INO80: variants seen among roughly 807,000 people sequenced by gnomAD.
The protein encoded by INO80 is chromatin-remodeling ATPase INO80.
Under a neutral mutation model 203.4 loss-of-function variants are expected in INO80, and 20 were observed. The observed-to-expected ratio is 0.10, with a 90% CI of 0.07 to 0.14. The LOEUF (loss-of-function observed/expected upper bound fraction) is 0.14. Among genes scored for constraint, INO80 ranks in the 10% least tolerant of loss-of-function variants. The pLI, the probability that INO80 is intolerant of heterozygous loss-of-function variation, is 1.00. For missense variants in INO80, 1,419 were observed against 1,914.4 expected (o/e 0.74, Z 4.83); for synonymous variants, 726 against 685.2 (o/e 1.06, Z -0.93).
intron 7 of INO80, among the ~76,000 whole-genome samples, chr15:41,083,372 A>G (rs1203199180): frequency 6.6e-6 from 1 of 152,124 alleles, no homozygotes; most frequent in Non-Finnish European, 1.5e-5. Context: ...TACAGTAGCA[A>G]AACACCACCA....
chr15:41,014,208 T>TAG (rs2044170558), intron 27 of INO80, among the ~76,000 whole-genome samples: 2 of 152,232 alleles, frequency 1.3e-5, no homozygotes, highest in Non-Finnish European at 2.9e-5. Flanking sequence ...CACATTCCCT[T>TAG]GGAACTTTCC....
intron 27 of INO80, among the ~76,000 whole-genome samples, chr15:41,007,265 C>T (rs2044059866): frequency 6.7e-6 from 1 of 150,148 alleles, no homozygotes; most frequent in African/African-American, 2.5e-5. Context: ...TCACTGCAAC[C>T]TCCTCCTCCC....
At chr15:41,064,090 A>G (rs903740311) in intron 14 of INO80, among the ~76,000 whole-genome samples, 3 of 152,198 alleles carry the variant, frequency 2.0e-5, no homozygotes, top group African/African-American at 7.2e-5. Context: ...GTGACAGAAT[A>G]GGCAGACGAA....
chr15:41,059,403 T>C (rs1399327003), intron 15 of INO80, among the ~76,000 whole-genome samples: 1 of 150,906 alleles, frequency 6.6e-6, no homozygotes, highest in Non-Finnish European at 1.5e-5. Context: ...GGCAGGAGGA[T>C]CACTTAAGCC....
chr15:40,997,255 G>A (rs2043892421), intron 29 of INO80, among the ~76,000 whole-genome samples: 2 of 152,144 alleles, frequency 1.3e-5, no homozygotes, highest in South Asian at 4.1e-4. Context: ...TCCAGCCTGG[G>A]CAACAGAGTG....
chr15:41,065,165 C>G (rs948384871), intron 14 of INO80, among the ~76,000 whole-genome samples: 2 of 151,988 alleles, frequency 1.3e-5, no homozygotes, highest in East Asian at 3.9e-4. Flanking sequence ...AGGCCAGGCT[C>G]GGTGATTCAC....
chr15:41,072,527 T>C (rs1256923169), intron 11 of INO80, among the ~76,000 whole-genome samples: 2 of 151,044 alleles, frequency 1.3e-5, no homozygotes, highest in Admixed American at 6.6e-5. Flanking sequence ...GAGACCATCC[T>C]GGCCAACATG....
intron 1 of INO80, among the ~76,000 whole-genome samples, chr15:41,103,289 C>A (rs1291870163): frequency 1.3e-5 from 2 of 152,196 alleles, no homozygotes; most frequent in African/African-American, 4.8e-5. Context: ...TAGCCTCACA[C>A]CTAGACTACT....
intron 1 of INO80, among the ~76,000 whole-genome samples, chr15:41,098,870 C>T (rs1022030087): frequency 4.6e-5 from 7 of 151,946 alleles, no homozygotes; most frequent in African/African-American, 9.7e-5. Context: ...AGATGTATGA[C>T]TAGCTAATAG....
intron 10 of INO80, 120 bp from the exon 11 acceptor site, chr15:41,073,615 AG>A (rs2045357712): frequency 2.4e-6 from 2 of 827,862 alleles, no homozygotes; most frequent in East Asian, 5.1e-5. Flanking sequence ...GGGTTCACGG[AG>A]GGTGGGGGAA....
At chr15:40,990,641 C>T (rs555515856) in intron 29 of INO80, among the ~76,000 whole-genome samples, 1 of 152,250 alleles carries the variant, frequency 6.6e-6, no homozygotes, top group African/African-American at 2.4e-5. Flanking sequence ...TCCTGCAAAC[C>T]TAAGATTTAG....
chr15:41,053,002 C>T (rs1262163812), intron 19 of INO80, among the ~76,000 whole-genome samples: 1 of 152,102 alleles, frequency 6.6e-6, no homozygotes, highest in Non-Finnish European at 1.5e-5. Flanking sequence ...CACTGCACTC[C>T]AGTGTGGGTG....
chr15:41,051,879 AT>A (rs2044879081), intron 19 of INO80, among the ~76,000 whole-genome samples: 1 of 151,988 alleles, frequency 6.6e-6, no homozygotes, highest in African/African-American at 2.4e-5. Flanking sequence ...AGTCGCTTGA[AT>A]CCGGCAGGCG....
At chr15:41,105,287 G>A (rs886394847) in intron 1 of INO80, among the ~76,000 whole-genome samples, 1 of 152,008 alleles carries the variant, frequency 6.6e-6, no homozygotes, top group Admixed American at 6.6e-5. Context: ...GGGGTTGGGG[G>A]GGCACCTCCA....
intron 4 of INO80, among the ~76,000 whole-genome samples, chr15:41,094,414 G>A (rs900201537): frequency 6.6e-6 from 1 of 152,076 alleles, no homozygotes; most frequent in African/African-American, 2.4e-5. Flanking sequence ...ATATAAGATG[G>A]TTCTCTGTGA....
chr15:41,097,377 C>T, intron 1 of INO80, among the ~76,000 whole-genome samples: 1 of 152,112 alleles, frequency 6.6e-6, no homozygotes, highest in South Asian at 2.1e-4. Context: ...GTAGCATCTG[C>T]CTTATACCTG....
At chr15:41,019,944 G>A (rs188579873) in intron 26 of INO80, among the ~76,000 whole-genome samples, 3 of 152,284 alleles carry the variant, frequency 2.0e-5, no homozygotes, top group Admixed American at 6.5e-5. Flanking sequence ...ATAGTTGGCC[G>A]GGCGCGGTGG....
chr15:41,099,237 CAA>C (rs71104771), intron 1 of INO80, among the ~76,000 whole-genome samples: 143 of 21,076 alleles, frequency 6.8e-3, no homozygotes, highest in Admixed American at 7.8e-3. Flanking sequence ...GACCCTGTCT[CAA>C]AAAAAAAAAA....
intron 24 of INO80, among the ~76,000 whole-genome samples, chr15:41,029,681 A>C (rs2044430883): frequency 6.6e-6 from 1 of 152,242 alleles, no homozygotes; most frequent in Admixed American, 6.5e-5. Flanking sequence ...GAAGTTCATT[A>C]TCTCTCTACA....
Sources: allele counts gnomAD v4.1 joint callset (sites outside exome capture counted in the v4.1 genomes callset), GRCh38; gene constraint gnomAD v4.1.1; transcripts MANE v1.5; gene names NCBI Gene and HGNC (gene_info 2026-07-23, HGNC 2026-07-21).